The following DLG2 variants were observed in gnomAD, a reference collection of about 807,000 sequenced individuals.
The protein encoded by DLG2 is disks large homolog 2.
In DLG2, 45 loss-of-function variants were observed where a neutral mutation model predicts 132.5. The ratio of observed to expected loss-of-function variants is 0.34; its 90% CI spans 0.27 to 0.44. The LOEUF is 0.44. Among genes scored for constraint, DLG2 ranks in the 20% least tolerant of loss-of-function variants. The pLI, the probability that DLG2 is intolerant of heterozygous loss-of-function variation, is 1.00. For missense variants in DLG2, 1,045 were observed against 1,196.9 expected (o/e 0.87, Z 1.87); for synonymous variants, 424 against 419.6 (o/e 1.01, Z -0.13).
chr11:85,154,156 A>C (rs905665545), intron 5 of DLG2, among the ~76,000 whole-genome samples: 2 of 151,224 alleles, frequency 1.3e-5, no homozygotes, highest in Admixed American at 1.3e-4. Flanking sequence ...AAAAAAAAAA[A>C]AAAAACAGTC....
chr11:83,498,795 T>A, intron 21 of DLG2, among the ~76,000 whole-genome samples: 1 of 149,306 alleles, frequency 6.7e-6, no homozygotes, highest in African/African-American at 2.5e-5. Flanking sequence ...TTTGCAAAGA[T>A]TGATGAAATT....
chr11:84,225,859 G>A (rs902966702), intron 8 of DLG2, among the ~76,000 whole-genome samples: 2 of 150,692 alleles, frequency 1.3e-5, no homozygotes, highest in Non-Finnish European at 2.9e-5. Context: ...TGCCCAGGCC[G>A]AAGTGCAGTG....
At chr11:83,516,195 G>A (rs1450501449) in intron 21 of DLG2, among the ~76,000 whole-genome samples, 1 of 152,182 alleles carries the variant, frequency 6.6e-6, no homozygotes, top group Non-Finnish European at 1.5e-5. Flanking sequence ...CTTGCTTTAT[G>A]AATCTGGGTG....
At chr11:84,960,782 G>A (rs1191441531) in intron 6 of DLG2, among the ~76,000 whole-genome samples, 1 of 151,876 alleles carries the variant, frequency 6.6e-6, no homozygotes, top group Non-Finnish European at 1.5e-5. Context: ...AGTTCTTATA[G>A]TAAATACTGA....
chr11:84,479,461 TTC>T (rs1328764782), intron 7 of DLG2, among the ~76,000 whole-genome samples: 1 of 152,114 alleles, frequency 6.6e-6, no homozygotes, highest in African/African-American at 2.4e-5. Context: ...TCAATTAATT[TTC>T]TTATTCCTCT....
At position 85,447,674 on chromosome 11, in the gene DLG2, A is replaced by T. The variant is rs185072813; in HGVS notation, c.40+150983T>A. Among the ~76,000 whole-genome samples, 257 of 152,278 alleles carry T rather than the reference A, an allele frequency of 1.7e-3. 1 individual carries two copies. The highest frequency in any genetic ancestry group is 2.6e-3 in the Non-Finnish European group (180 of 68,002). On this transcript the variant is annotated intron_variant, in intron 3 of 27. Coordinates refer to ENST00000376104, the MANE Select transcript of DLG2 (RefSeq NM_001142699.3). ...TATGGCAGCTCTAGAAAACTAATAC[A>T]TATTTCATGATTTATTTGTGTTCCC... is the stretch of plus-strand genomic sequence containing the variant.
At chr11:85,293,247 C>T (rs1326283020) in intron 3 of DLG2, among the ~76,000 whole-genome samples, 1 of 151,958 alleles carries the variant, frequency 6.6e-6, no homozygotes, top group Non-Finnish European at 1.5e-5. Context: ...ATTGTATAGC[C>T]TTATAGTATC....
At chr11:83,737,068 A>G (rs565165092) in intron 18 of DLG2, among the ~76,000 whole-genome samples, 8 of 152,222 alleles carry the variant, frequency 5.3e-5, no homozygotes, top group Non-Finnish European at 1.0e-4. Context: ...GCCACACTGT[A>G]GAGCCCCAAA....
chr11:84,111,343 G>A (rs7123516), intron 9 of DLG2, among the ~76,000 whole-genome samples: 111,079 of 151,988 alleles, frequency 0.73, 42,212 homozygotes, highest in Middle Eastern at 0.87. Flanking sequence ...AGGCAGATGC[G>A]AAGGCCCTTC....
chr11:83,891,398 C>T (rs1167408131), intron 15 of DLG2, among the ~76,000 whole-genome samples: 1 of 152,074 alleles, frequency 6.6e-6, no homozygotes, highest in African/African-American at 2.4e-5. Flanking sequence ...ACCTTAAAGC[C>T]CTAAACATGA....
At chr11:85,160,997 T>A (rs191945002) in intron 4 of DLG2, among the ~76,000 whole-genome samples, 91 of 152,328 alleles carry the variant, frequency 6.0e-4, no homozygotes, top group Admixed American at 1.3e-3. Flanking sequence ...TGTGATTATA[T>A]GCTGATTCAT....
rs1175133086 is a variant in DLG2 at position 85,012,675 on chromosome 11, G to A, written c.357+98986C>T. 2.0e-5 allele frequency among the ~76,000 whole-genome samples: 3 copies of A among 152,014 alleles called. No homozygotes were observed. In the East Asian group the frequency reaches 5.8e-4, roughly 29 times the overall value. Reference sequence around the variant, plus strand: ...CAAATAGATAAATCATTGCTTTTGGGGTTACTGTTATGGATATAAAATATT... The same window carrying A: ...CAAATAGATAAATCATTGCTTTTGGAGTTACTGTTATGGATATAAAATATT... On this transcript the variant is annotated intron_variant, in intron 6 of 27. Coordinates refer to ENST00000376104, the MANE Select transcript of DLG2 (RefSeq NM_001142699.3).
intron 18 of DLG2, among the ~76,000 whole-genome samples, chr11:83,713,402 C>T (rs1760636625): frequency 6.6e-6 from 1 of 152,124 alleles, no homozygotes; most frequent in Admixed American, 6.5e-5. Context: ...CGAAGAACAT[C>T]AAAAACACAA....
chr11:84,539,795 A>C (rs1322701568), intron 6 of DLG2, among the ~76,000 whole-genome samples: 1 of 152,068 alleles, frequency 6.6e-6, no homozygotes, highest in Admixed American at 6.6e-5. Context: ...CATGCTACCT[A>C]ACTTCAAACT....
intron 9 of DLG2, among the ~76,000 whole-genome samples, chr11:84,100,319 C>A (rs77247842): frequency 0.012 from 1,580 of 129,202 alleles, 68 homozygotes; most frequent in African/African-American, 0.048. Flanking sequence ...ATATATATAT[C>A]TCTCTCTCTA....
intron 18 of DLG2, chr11:83,646,845 C>A (rs2068347081): frequency 6.6e-6 from 1 of 152,074 alleles, no homozygotes; most frequent in Non-Finnish European, 1.5e-5. Flanking sequence ...TCCAAAAGCT[C>A]TTTCTTCCCT....
intron 7 of DLG2, among the ~76,000 whole-genome samples, chr11:84,257,129 T>TC (rs1169013734): frequency 6.6e-6 from 1 of 152,072 alleles, no homozygotes; most frequent in Non-Finnish European, 1.5e-5. Flanking sequence ...TATTAGATTT[T>TC]CCCCCATAAC....
chr11:84,104,107 C>G (rs1338578938), intron 9 of DLG2, among the ~76,000 whole-genome samples: 2 of 151,990 alleles, frequency 1.3e-5, no homozygotes, highest in South Asian at 2.1e-4. Flanking sequence ...GTACATTTAT[C>G]TGAATGTGGG....
chr11:85,040,096 C>A lies in DLG2; in HGVS notation c.357+71565G>T, dbSNP rs575339505. On this transcript the variant is annotated intron_variant, in intron 6 of 27. Coordinates refer to ENST00000376104, the MANE Select transcript of DLG2 (RefSeq NM_001142699.3). The stretch of plus-strand genomic sequence containing the variant: ...TGTAACTTATTCAATGTGCACTTTC[C>A]GAGACAGTTCCACAAAAGATCATAA... 2.0e-5 allele frequency among the ~76,000 whole-genome samples: 3 copies of A among 151,956 alleles called. 1 individual carries two copies. Among genetic ancestry groups the A allele is most frequent in the South Asian group, 2.1e-4 (1 of 4,824 alleles).
Sources: gnomAD v4.1 joint callset for allele counts (sites outside exome capture counted in the v4.1 genomes callset) on GRCh38, gnomAD v4.1.1 for gene constraint, MANE v1.5 for transcripts, NCBI Gene and HGNC (gene_info 2026-07-23, HGNC 2026-07-21) for gene names.